Variants in TRIM36 observed in about 807,000 individuals in gnomAD.
The protein encoded by TRIM36 is tripartite motif containing 36, also known as E3 ubiquitin-protein ligase TRIM36.
TRIM36 carries 42 observed loss-of-function variants against 72.4 expected under a neutral mutation model. The ratio of observed to expected loss-of-function variants is 0.58; its 90% CI spans 0.45 to 0.75. The LOEUF (loss-of-function observed/expected upper bound fraction) is 0.75, where lower values mean the gene tolerates loss of function less well. TRIM36 is among the 30% of genes least tolerant of loss of function. The pLI is 0.00. For missense variants in TRIM36, 913 were observed against 857.1 expected (o/e 1.07, Z -0.81); for synonymous variants, 315 against 282.8 (o/e 1.11, Z -1.14).
intron 8 of TRIM36, among the ~76,000 whole-genome samples, chr5:115,132,491 C>T (rs424828): frequency 0.022 from 3,251 of 148,224 alleles, 69 homozygotes; most frequent in Middle Eastern, 0.031. Context: ...AGCTAGTGAG[C>T]TGAGATGGTG....
At chr5:115,178,409 G>C (rs919701280) in intron 1 of TRIM36, among the ~76,000 whole-genome samples, 24 of 152,176 alleles carry the variant, frequency 1.6e-4, no homozygotes, top group Admixed American at 1.2e-3. Context: ...TCGGTGTCCT[G>C]CCTGCACCTC....
In TRIM36 at chr5:115,147,284, T is replaced by C. The variant is rs771876713; in HGVS notation, c.373A>G (p.Thr125Ala). Residue 125 changes from threonine to alanine, a missense_variant, in exon 3 of 10, where the codon ACT (threonine) becomes GCT (alanine). Coordinates refer to ENST00000513154, the MANE Select transcript of TRIM36 (RefSeq NM_001300759.2). ...RGINGLFRNF[T>A]LETIVERYRQ... ...TATCTTTCCACAATAGTTTCCAAAG[T>C]GAAGTTTCGAAACAGACCATTGATT... is the stretch of plus-strand genomic sequence containing the variant. The C allele has an allele frequency of 2.2e-5, 36 of 1,614,028 alleles. No homozygotes were observed. Among genetic ancestry groups the C allele is most frequent in the Non-Finnish European group, 3.0e-5 (35 of 1,180,038 alleles).
At chr5:115,172,353 C>A (rs543123267), upstream of TRIM36, among the ~76,000 whole-genome samples, 1 of 152,280 alleles carries the variant, frequency 6.6e-6, no homozygotes, top group South Asian at 2.1e-4. Flanking sequence ...CTTATTGAGA[C>A]CTTATTTATA....
intron 1 of TRIM36, among the ~76,000 whole-genome samples, chr5:115,179,643 G>C (rs1755520243): frequency 6.6e-6 from 1 of 152,238 alleles, no homozygotes; most frequent in South Asian, 2.1e-4. Flanking sequence ...TGGTGGGGCA[G>C]CGCCCCCTTG....
At position 115,126,607 on chromosome 5, in the gene TRIM36, A is replaced by C. The variant is rs1437474838; in HGVS notation, c.2047T>G (p.Cys683Gly). The change falls in exon 10 of 10, where the codon TGT becomes GGT. Residue 683 changes from cysteine to glycine, a missense_variant. Transcript: ENST00000513154. Reference protein sequence around the residue: ...MKCLYERQVDCSHTLYPAFAL... With the variant: ...MKCLYERQVDGSHTLYPAFAL... Reference sequence around the variant, plus strand: ...AATGCTGGATACAGTGTATGTGAACAGTCCACTTGGCGTTCATAAAGGCAT... The same window carrying C: ...AATGCTGGATACAGTGTATGTGAACCGTCCACTTGGCGTTCATAAAGGCAT... The C allele has an allele frequency of 1.9e-6, 3 of 1,614,086 alleles. No individual in the cohort carries two copies. In the South Asian group the frequency reaches 3.3e-5, roughly 18 times the overall value.
chr5:115,160,608 C>T (rs549812390), intron 2 of TRIM36, among the ~76,000 whole-genome samples: 1 of 152,260 alleles, frequency 6.6e-6, no homozygotes, highest in East Asian at 1.9e-4. Context: ...AAGGCCAAGG[C>T]ACAAAGACTG....
chr5:115,142,367 G>T (rs950588665), intron 4 of TRIM36, among the ~76,000 whole-genome samples: 7 of 152,116 alleles, frequency 4.6e-5, no homozygotes, highest in Non-Finnish European at 1.0e-4. Context: ...GTGCAAAGTG[G>T]TGGTACTCTT....
At chr5:115,148,339 T>C (rs56805857) in intron 2 of TRIM36, 421,726 of 981,270 alleles carry the variant, frequency 0.43, 95,005 homozygotes, top group African/African-American at 0.76. Context: ...TCCTTACCCA[T>C]TGGTTCACAG....
intron 9 of TRIM36, among the ~76,000 whole-genome samples, chr5:115,130,024 T>A (rs1328503914): frequency 1.3e-5 from 2 of 152,190 alleles, no homozygotes; most frequent in East Asian, 3.8e-4. Flanking sequence ...TTCCTATCAT[T>A]CAGATTGTTA....
At chr5:115,154,977 G>C (rs1754095117) in intron 2 of TRIM36, among the ~76,000 whole-genome samples, 1 of 151,920 alleles carries the variant, frequency 6.6e-6, no homozygotes, top group African/African-American at 2.4e-5. Flanking sequence ...GTCAGGAGTT[G>C]GACACCAGCC....
chr5:115,161,166 T>G (rs904915283), intron 2 of TRIM36, among the ~76,000 whole-genome samples: 2 of 151,820 alleles, frequency 1.3e-5, no homozygotes, highest in Admixed American at 6.6e-5. Context: ...GTTATAAAGC[T>G]TTGCACAATG....
intron 2 of TRIM36, among the ~76,000 whole-genome samples, chr5:115,162,086 G>C (rs976499100): frequency 6.6e-6 from 1 of 152,114 alleles, no homozygotes; most frequent in Non-Finnish European, 1.5e-5. Context: ...ACCTCTGCTA[G>C]AGATATCCAG....
chr5:115,134,126 T>A lies in TRIM36; in HGVS notation c.1232A>T (p.Asn411Ile). The A allele has an allele frequency of 6.3e-7, 1 of 1,599,388 alleles. No individual in the cohort carries two copies. Among genetic ancestry groups the A allele is most frequent in the Non-Finnish European group, 8.5e-7 (1 of 1,172,332 alleles). Residue 411 changes from asparagine (N) to isoleucine (I), a missense_variant, in exon 8 of 10, where the codon AAT becomes ATT. Physicochemically the swap from Asn to Ile is moderately radical, Grantham distance 149 (BLOSUM62 -3). Coordinates refer to ENST00000513154, the MANE Select transcript of TRIM36 (RefSeq NM_001300759.2). The part of the protein sequence containing the change: ...FSSGIDVPEI[N>I]EEQSKVYNNA... ...GTTATAAACTTTGCTCTGTTCCTCA[T>A]TGATCTCTGGCACGTCTATGCCTGA...
intron 7 of TRIM36, among the ~76,000 whole-genome samples, 164 bp downstream of exon 7, chr5:115,136,836 A>G (rs552554781): frequency 6.6e-6 from 1 of 152,314 alleles, no homozygotes; most frequent in African/African-American, 2.4e-5. Flanking sequence ...GCATAAAAAT[A>G]TAGTTTTAAA....
chr5:115,162,650 G>GT (rs541931281), intron 2 of TRIM36, among the ~76,000 whole-genome samples: 411 of 151,962 alleles, frequency 2.7e-3, no homozygotes, highest in African/African-American at 9.4e-3. Flanking sequence ...CATACAAAAA[G>GT]TTTTCTTTGG....
At chr5:115,130,119 C>T (rs1411995353) in intron 9 of TRIM36, among the ~76,000 whole-genome samples, 1 of 152,128 alleles carries the variant, frequency 6.6e-6, no homozygotes, top group South Asian at 2.1e-4. Flanking sequence ...CTGAACTGTA[C>T]AATCTTCATT....
chr5:115,163,595 T>C lies in TRIM36; in HGVS notation c.185A>G (p.Asp62Gly), dbSNP rs750313051. Residue 62 changes from aspartate to glycine, a missense_variant, in exon 2 of 10, where the codon GAC (aspartate) becomes GGC (glycine). Coordinates refer to ENST00000513154, the MANE Select transcript of TRIM36 (RefSeq NM_001300759.2). ...LDDSFNDVGS[D>G]NSNQSSPRLR... ...TCGAGGACTGCTTTGATTGGAGTTGTCTGATCCCACATCGTTGAATGAATC... is the reference window on the plus strand; with the variant it reads ...TCGAGGACTGCTTTGATTGGAGTTGCCTGATCCCACATCGTTGAATGAATC... The C allele has an allele frequency of 6.2e-7, 1 of 1,614,230 alleles. No individual in the cohort carries two copies. The highest frequency in any genetic ancestry group is 8.5e-7 in the Non-Finnish European group (1 of 1,180,036).
intron 2 of TRIM36, among the ~76,000 whole-genome samples, chr5:115,152,485 A>G (rs932512633): frequency 6.6e-6 from 1 of 152,220 alleles, no homozygotes; most frequent in African/African-American, 2.4e-5. Context: ...CAGCCTTGCT[A>G]GAGACCTAGA....
At position 115,137,081 on chromosome 5, in the gene TRIM36, C is replaced by A. The variant is rs1224752363; in HGVS notation, c.1129G>T (p.Ala377Ser). The change falls in exon 7 of 10, where the codon GCT (alanine) becomes TCT (serine). Residue 377 changes from alanine (A) to serine (S), a missense_variant. Transcript: ENST00000513154. ...TESLKSFRPA[A>S]QTSFEDYVVN... ...ACATAGTCTTCAAAAGAAGTCTGAG[C>A]TGCAGGTCTAAAGCTCTTCAAAGAT... 2 of 1,610,816 alleles carry A rather than the reference C, an allele frequency of 1.2e-6. No individual in the cohort carries two copies.
Sources: allele counts gnomAD v4.1 joint callset (sites outside exome capture counted in the v4.1 genomes callset), GRCh38; gene constraint gnomAD v4.1.1; transcripts MANE v1.5; gene names NCBI Gene and HGNC (gene_info 2026-07-23, HGNC 2026-07-21).